Variants in C14orf39 observed in about 807,000 individuals in gnomAD.
C14orf39 encodes the protein protein SIX6OS1.
In C14orf39, 66 loss-of-function variants were observed where a neutral mutation model predicts 85.6. The observed-to-expected ratio is 0.77, with a 90% CI of 0.63 to 0.95. C14orf39 has a LOEUF of 0.95. Among genes scored for constraint, C14orf39 ranks in the 40% least tolerant of loss-of-function variants. The pLI, the probability that C14orf39 is intolerant of heterozygous loss-of-function variation, is 0.00. For synonymous variants in C14orf39, 242 were observed against 214.0 expected, an observed-to-expected ratio of 1.13 and a Z score of -1.14; for missense variants, 735 against 663.9, an observed-to-expected ratio of 1.11 and a Z score of -1.18.
rs1389268365 is a variant in C14orf39, at chr14:60,491,239, A to G, written c.-8-6153T>C. On this transcript the variant is annotated intron_variant, in intron 2 of 5. Transcript: ENST00000556799. The surrounding 1 kb of genome is among the most constrained non-coding windows in gnomAD (Gnocchi z 4.5). ...CCAACACTGAGGCACTGGCAGATTC[A>G]GTGTCTGGTAAGGGCACACTCTTTG... Among the ~76,000 whole-genome samples, 1 of 152,202 alleles carries G rather than the reference A, an allele frequency of 6.6e-6. No homozygotes were observed. The highest frequency in any genetic ancestry group is 1.5e-5 in the Non-Finnish European group (1 of 68,024).
chr14:60,481,974 T>G (rs1272125332), intron 4 of C14orf39, among the ~76,000 whole-genome samples: 1 of 152,224 alleles, frequency 6.6e-6, no homozygotes, highest in Non-Finnish European at 1.5e-5. Flanking sequence ...TTTCTGATTT[T>G]GGTGACATAT....
At position 60,442,084 on chromosome 14, in the gene C14orf39, C is replaced by A; in HGVS notation, c.1551G>T (p.Glu517Asp). ...CTTCAAACAACTTACCAATCTCTTG[C>A]TCTGATGACAGAGGATTTAGATTTC... Reference protein sequence around the residue: ...SARNLNPLSSEQEIGNLLEKP... With the variant: ...SARNLNPLSSDQEIGNLLEKP... Residue 517 changes from glutamate to aspartate, a missense_variant, in exon 17 of 18, where the codon GAG (glutamate) becomes GAT (aspartate). Physicochemically the swap from Glu to Asp is conservative, Grantham distance 45. Coordinates refer to ENST00000321731, the MANE Select transcript of C14orf39 (RefSeq NM_174978.3). The A allele has an allele frequency of 6.2e-7, 1 of 1,609,954 alleles. No individual in the cohort carries two copies. Among genetic ancestry groups the A allele is most frequent in the Non-Finnish European group, 8.5e-7 (1 of 1,176,860 alleles).
chr14:60,512,523 G>A (rs1049688148), intron 1 of C14orf39: 3 of 152,164 alleles, frequency 2.0e-5, no homozygotes, highest in East Asian at 1.9e-4. Flanking sequence ...TGGGGGAAAG[G>A]ATGTAATCAT....
At chr14:60,506,855 A>G (rs1229271719) in intron 1 of C14orf39, among the ~76,000 whole-genome samples, 1 of 152,200 alleles carries the variant, frequency 6.6e-6, no homozygotes, top group Non-Finnish European at 1.5e-5. Flanking sequence ...TTGCAGAACT[A>G]TTATCCAAGA....
intron 16 of C14orf39, among the ~76,000 whole-genome samples, chr14:60,452,166 CAA>C (rs561612954): frequency 5.1e-5 from 3 of 58,886 alleles, no homozygotes; most frequent in Admixed American, 1.9e-4. Context: ...GACTCCATCT[CAA>C]AAAAAAAAAA....
rs1302462313 is a variant in C14orf39, at chr14:60,478,240, C to T, written c.323+60G>A. 2.7e-5 allele frequency: 17 copies of T among 622,836 alleles called. 1 individual carries two copies. The highest frequency in any genetic ancestry group is 3.6e-5 in the South Asian group (1 of 27,876). 38.6% of individuals were successfully genotyped at this position (622,836 alleles called of 1,614,324 possible). A position where few individuals can be genotyped will look rare whatever the true frequency, so the allele number is the denominator to read the frequency against. ...CTACATTTTTCAACTGACATTCTTACACACCATGTCCTAATAATACAAACT... is the reference window on the plus strand; with the variant it reads ...CTACATTTTTCAACTGACATTCTTATACACCATGTCCTAATAATACAAACT... On this transcript the variant is annotated intron_variant, in intron 5 of 17. Coordinates refer to ENST00000321731, the MANE Select transcript of C14orf39 (RefSeq NM_174978.3).
chr14:60,471,709 A>G lies in C14orf39; in HGVS notation c.354T>C (p.Tyr118=), dbSNP rs35286613. 1,069 of 1,554,644 alleles carry G rather than the reference A, an allele frequency of 6.9e-4. 6 individuals are homozygous for G. The African/African-American group carries it at 0.012, about 17-fold the overall frequency. The change falls in exon 6 of 18, where the codon TAT becomes TAC. Residue 118 remains tyrosine (Y), a synonymous_variant. Coordinates refer to ENST00000321731, the MANE Select transcript of C14orf39 (RefSeq NM_174978.3). Reference sequence around the variant, plus strand: ...GTTGGTACTGCTTCAAAACTTCTTTATACTGACATATATAATCATGATACA... The same window carrying G: ...GTTGGTACTGCTTCAAAACTTCTTTGTACTGACATATATAATCATGATACA... The part of the protein sequence containing the change: ...KEMYHDYICQ[Y]KEVLKQYQLK...
intron 2 of C14orf39, among the ~76,000 whole-genome samples, chr14:60,493,209 G>A (rs1893018477): frequency 6.6e-6 from 1 of 152,126 alleles, no homozygotes. Context: ...GCCCATATGA[G>A]GGTATTCTAC....
chr14:60,462,857 ATTC>A (rs1891593709), intron 11 of C14orf39, among the ~76,000 whole-genome samples: 1 of 152,026 alleles, frequency 6.6e-6, no homozygotes, highest in African/African-American at 2.4e-5. Flanking sequence ...GCCCAATACA[ATTC>A]TTCTTTTTCC....
intron 1 of C14orf39, chr14:60,509,127 C>T (rs1055500910): frequency 2.6e-5 from 13 of 508,492 alleles, no homozygotes; most frequent in African/African-American, 8.1e-5. Context: ...GGCGCCCGCG[C>T]CGCCAATCCG....
At chr14:60,483,889 A>G in intron 3 of C14orf39, 72 bp from the exon 4 acceptor site, 1 of 1,078,474 alleles carries the variant, frequency 9.3e-7, no homozygotes. Flanking sequence ...GAGAAAAAAA[A>G]TGGGTATGGC....
In C14orf39 at chr14:60,466,976, T is replaced by G. The variant is rs773691223; in HGVS notation, c.836A>C (p.Tyr279Ser). 1 of 1,465,060 alleles carries G rather than the reference T, an allele frequency of 6.8e-7. No individual in the cohort carries two copies. The highest frequency in any genetic ancestry group is 2.5e-5 in the Admixed American group (1 of 40,558). The allele number at this position is 1,465,060 out of a possible 1,614,324, so 90.8% of individuals were successfully genotyped here. A position where few individuals can be genotyped will look rare whatever the true frequency, so the allele number is the denominator to read the frequency against. Residue 279 changes from tyrosine to serine, a missense_variant, in exon 10 of 18, where the codon TAT (tyrosine) becomes TCT (serine). By Grantham distance (144) the Tyr-to-Ser change is moderately radical. Transcript: ENST00000321731. Reference protein sequence around the residue: ...KTQSSQLFLPYESQKLVRPIK... With the variant: ...KTQSSQLFLPSESQKLVRPIK... ...TGGTCTTACTAATTTCTGAGATTCA[T>G]AAGGAAGAAATAATTGACTGCTTTG...
intron 4 of C14orf39, among the ~76,000 whole-genome samples, chr14:60,478,969 C>CA (rs1163366745): frequency 1.3e-5 from 2 of 151,916 alleles, no homozygotes; most frequent in African/African-American, 4.8e-5. Context: ...ATTACCAATA[C>CA]AAAAAAATAT....
rs1278200619 is a variant in C14orf39, at chr14:60,515,098, G to A, written c.-144+297C>T. On this transcript the variant is annotated intron_variant, in intron 1 of 5. Transcript: ENST00000556799. This position sits in a 1 kb window ranked among gnomAD's most constrained non-coding sequence, Gnocchi z 6.2. ...GGGTCATTGTCCGCGCGCTGGCCCG[G>A]GCGCCGAGGCGTGTCCCTGCCTGCG... 6.6e-6 allele frequency: 1 copy of A among 152,200 alleles called. No individual in the cohort carries two copies. The highest frequency in any genetic ancestry group is 1.5e-5 in the Non-Finnish European group (1 of 68,100). 9.4% of individuals were successfully genotyped at this position (152,200 alleles called of 1,614,324 possible).
chr14:60,461,259 A>T, intron 13 of C14orf39, 95 bp downstream of exon 13: 1 of 1,026,590 alleles, frequency 9.7e-7, no homozygotes, highest in Non-Finnish European at 1.5e-6. Context: ...TTAACCAGAG[A>T]TGCAAATAAT....
At chr14:60,445,140 C>T (rs1167492411) in intron 16 of C14orf39, among the ~76,000 whole-genome samples, 1 of 152,184 alleles carries the variant, frequency 6.6e-6, no homozygotes, top group African/African-American at 2.4e-5. Context: ...ACCATTGATG[C>T]TATGAAGAAA....
intron 11 of C14orf39, among the ~76,000 whole-genome samples, chr14:60,464,025 G>T (rs1331112766): frequency 6.6e-6 from 1 of 152,088 alleles, no homozygotes; most frequent in African/African-American, 2.4e-5. Context: ...AACCTCTCCT[G>T]CAGATAGAGG....
intron 1 of C14orf39, among the ~76,000 whole-genome samples, chr14:60,501,413 G>A (rs2140181992): frequency 6.6e-6 from 1 of 151,640 alleles, no homozygotes; most frequent in Non-Finnish European, 1.5e-5. Context: ...AGGCAAAGAA[G>A]GAGGCAGAGA....
At chr14:60,507,834 T>C (rs1226572647) in intron 1 of C14orf39, among the ~76,000 whole-genome samples, 2 of 152,206 alleles carry the variant, frequency 1.3e-5, no homozygotes, top group African/African-American at 2.4e-5. Context: ...TGTCTAGGGA[T>C]GGACCTCCCC....
Sources: allele counts gnomAD v4.1 joint callset (sites outside exome capture counted in the v4.1 genomes callset), GRCh38; gene constraint gnomAD v4.1.1; non-coding constraint Gnocchi (gnomAD v3.1); transcripts MANE v1.5; gene names NCBI Gene and HGNC (gene_info 2026-07-23, HGNC 2026-07-21).